APBB2: variants seen among roughly 807,000 people sequenced by gnomAD.
APBB2 encodes the protein Fe65-like 1.
A neutral mutation model predicts 82.5 loss-of-function variants in APBB2; 38 were observed. That is an observed-to-expected ratio of 0.46 (90% CI 0.36 to 0.60). The LOEUF (loss-of-function observed/expected upper bound fraction) is 0.60, where lower values mean the gene tolerates loss of function less well. Among genes scored for constraint, APBB2 ranks in the 20% least tolerant of loss-of-function variants. The pLI, the probability that APBB2 is intolerant of heterozygous loss-of-function variation, is 0.00. For missense variants in APBB2, 772 were observed against 972.3 expected, an observed-to-expected ratio of 0.79 and a Z score of 2.74; for synonymous variants, 341 against 368.2, an observed-to-expected ratio of 0.93 and a Z score of 0.85.
Position 40,827,237 on chromosome 4 carries a change from C to T in APBB2, c.1645-18G>A, listed in dbSNP as rs1750253364. ...GCCATAATCTAAGGGGGAAAAAGTG[C>T]AGCTTTGGAGCGTGGGTTCAAGCCC... On this transcript the variant is annotated intron_variant, in intron 13 of 17. Coordinates refer to ENST00000508593, the MANE Select transcript of APBB2 (RefSeq NM_004307.2). The T allele has an allele frequency of 6.2e-7, 1 of 1,612,556 alleles. No individual in the cohort carries two copies. Among genetic ancestry groups the T allele is most frequent in the African/African-American group, 1.3e-5 (1 of 74,898 alleles).
intron 6 of APBB2, among the ~76,000 whole-genome samples, chr4:41,007,713 A>G (rs1382885876): frequency 6.6e-6 from 1 of 152,240 alleles, no homozygotes; most frequent in Non-Finnish European, 1.5e-5. Context: ...GATGTAGCAA[A>G]CATCAGAGAG....
At chr4:40,824,214 G>A (rs1222740017) in intron 15 of APBB2, among the ~76,000 whole-genome samples, 1 of 152,060 alleles carries the variant, frequency 6.6e-6, no homozygotes, top group Non-Finnish European at 1.5e-5. Context: ...GGAGAGGAGA[G>A]TCAGGAGAAG....
intron 6 of APBB2, among the ~76,000 whole-genome samples, chr4:40,956,632 A>C (rs915198994): frequency 1.3e-5 from 2 of 152,142 alleles, no homozygotes; most frequent in African/African-American, 2.4e-5. Context: ...GAAAAAAAAA[A>C]ACCTTAACAG....
chr4:41,154,959 G>A (rs1007178142), intron 1 of APBB2, among the ~76,000 whole-genome samples: 5 of 152,186 alleles, frequency 3.3e-5, no homozygotes, highest in African/African-American at 7.2e-5. Flanking sequence ...CTGGAGTTAC[G>A]CAGCTGACTG....
chr4:41,185,515 C>A (rs568416638), intron 1 of APBB2, among the ~76,000 whole-genome samples: 41 of 152,204 alleles, frequency 2.7e-4, no homozygotes, highest in Non-Finnish European at 2.5e-4. Context: ...TCTTAACTCC[C>A]ATTTCAAAGA....
intron 3 of APBB2, among the ~76,000 whole-genome samples, chr4:41,098,447 G>C (rs1744303975): frequency 6.6e-6 from 1 of 152,150 alleles, no homozygotes; most frequent in South Asian, 2.1e-4. Flanking sequence ...CCCCCCAAAA[G>C]TGTTGGGATT....
chr4:41,207,569 A>G (rs1778280401), intron 1 of APBB2, among the ~76,000 whole-genome samples: 1 of 152,200 alleles, frequency 6.6e-6, no homozygotes. Context: ...CCACTTGCCC[A>G]TTCTGTTCCC....
At position 40,866,601 on chromosome 4, in the gene APBB2, T is replaced by C. The variant is rs913770213; in HGVS notation, c.1529+23763A>G. On this transcript the variant is annotated intron_variant, in intron 12 of 17. Transcript: ENST00000508593. ...CTGAGGCCGATATAATTTTGATCCT[T>C]CAGTGTTGAGTTTAAATAAAAACAT... 2.6e-5 allele frequency among the ~76,000 whole-genome samples: 4 copies of C among 152,238 alleles called. No homozygotes were observed. In the South Asian group the frequency reaches 8.3e-4, roughly 32 times the overall value.
chr4:41,122,944 G>A (rs554705297), intron 2 of APBB2, among the ~76,000 whole-genome samples: 2 of 151,956 alleles, frequency 1.3e-5, no homozygotes, highest in South Asian at 2.1e-4. Flanking sequence ...CTTCAAACAC[G>A]CCGCACTGGC....
intron 7 of APBB2, among the ~76,000 whole-genome samples, chr4:40,938,428 G>A (rs144364155): frequency 1.5e-4 from 23 of 152,306 alleles, no homozygotes; most frequent in African/African-American, 5.5e-4. Context: ...GAGGGAATCC[G>A]ATCATATAAC....
intron 2 of APBB2, among the ~76,000 whole-genome samples, chr4:41,137,371 A>G (rs953981117): frequency 6.6e-6 from 1 of 152,176 alleles, no homozygotes; most frequent in East Asian, 1.9e-4. Context: ...TACCACCTTT[A>G]TGAAAAACAA....
chr4:41,185,562 A>AT (rs1772675088), intron 1 of APBB2, among the ~76,000 whole-genome samples: 1 of 152,196 alleles, frequency 6.6e-6, no homozygotes, highest in Non-Finnish European at 1.5e-5. Context: ...TAAATAGTTT[A>AT]TTATAGCTTT....
chr4:40,922,062 A>T (rs1781394805), intron 10 of APBB2, among the ~76,000 whole-genome samples: 1 of 152,208 alleles, frequency 6.6e-6, no homozygotes, highest in African/African-American at 2.4e-5. Context: ...GGATTCAACA[A>T]CTAAATACAC....
chr4:41,186,873 T>C (rs1316964428), intron 1 of APBB2, among the ~76,000 whole-genome samples: 1 of 152,212 alleles, frequency 6.6e-6, no homozygotes, highest in Non-Finnish European at 1.5e-5. Context: ...CCAGAGCTGA[T>C]ACCTAAACTT....
chr4:41,114,450 T>C (rs1223714084), intron 2 of APBB2, among the ~76,000 whole-genome samples: 2 of 152,156 alleles, frequency 1.3e-5, no homozygotes, highest in African/African-American at 2.4e-5. Flanking sequence ...GTATTCAACA[T>C]AGTATTGAAA....
chr4:41,024,680 A>G (rs529214879), intron 5 of APBB2, among the ~76,000 whole-genome samples: 2 of 152,340 alleles, frequency 1.3e-5, no homozygotes, highest in African/African-American at 2.4e-5. Context: ...CCTTTCCCCT[A>G]TGAGTAAAAC....
chr4:40,919,741 T>C (rs1780771224), intron 10 of APBB2, among the ~76,000 whole-genome samples: 2 of 152,218 alleles, frequency 1.3e-5, no homozygotes, highest in Admixed American at 6.5e-5. Flanking sequence ...ACAAAAATTA[T>C]ACTTGATGTT....
chr4:41,172,939 A>T (rs1768722153), intron 1 of APBB2, among the ~76,000 whole-genome samples: 1 of 152,220 alleles, frequency 6.6e-6, no homozygotes, highest in South Asian at 2.1e-4. Flanking sequence ...AATGCTTCTA[A>T]AATTAACACA....
chr4:41,027,747 C>T (rs1189093486), intron 5 of APBB2, among the ~76,000 whole-genome samples: 1 of 147,818 alleles, frequency 6.8e-6, no homozygotes, highest in South Asian at 2.1e-4. Flanking sequence ...CAGCAGTGAA[C>T]AAAATAAGCA....
Sources: gnomAD v4.1 joint callset for allele counts (sites outside exome capture counted in the v4.1 genomes callset) on GRCh38, gnomAD v4.1.1 for gene constraint, MANE v1.5 for transcripts, NCBI Gene and HGNC (gene_info 2026-07-23, HGNC 2026-07-21) for gene names.